The following NSUN7 variants were observed in gnomAD, a reference collection of about 807,000 sequenced individuals.
The protein encoded by NSUN7 is NOP2/Sun RNA methyltransferase family member 7.
A neutral mutation model predicts 58.5 loss-of-function variants in NSUN7; 39 were observed. That is an observed-to-expected ratio of 0.67 (90% CI 0.52 to 0.87). The LOEUF is 0.87. NSUN7 is among the 40% of genes least tolerant of loss of function. The probability of loss-of-function intolerance (pLI) is 0.00; values close to 1 mark genes in which losing one functional copy is unlikely to be tolerated. For synonymous variants in NSUN7, 278 were observed against 303.7 expected (o/e 0.92, Z 0.88); for missense variants, 765 against 844.1 (o/e 0.91, Z 1.16).
intron 2 of NSUN7, among the ~76,000 whole-genome samples, chr4:40,753,506 C>T (rs1056307202): frequency 2.6e-5 from 4 of 152,030 alleles, no homozygotes; most frequent in Non-Finnish European, 2.9e-5. Context: ...CTCCTGACCT[C>T]GTGATCCACC....
Position 40,809,135 on chromosome 4 carries a change from G to A in NSUN7, c.*196G>A. 1.7e-6 allele frequency: 1 copy of A among 581,812 alleles called. No homozygotes were observed. The highest frequency in any genetic ancestry group is 3.0e-5 in the East Asian group (1 of 33,810). 36.0% of individuals were successfully genotyped at this position (581,812 alleles called of 1,614,324 possible). ...GTAGGAGTCAGCAAAGCAGAATTCA[G>A]AGACTTCAGCCAATCACTGCTGCTC... is the stretch of plus-strand genomic sequence containing the variant. On this transcript the variant is annotated 3_prime_UTR_variant, in exon 12 of 12. Coordinates refer to ENST00000381782, the MANE Select transcript of NSUN7 (RefSeq NM_024677.6).
Position 40,794,491 on chromosome 4 carries a change from G to A in NSUN7, c.1282+15G>A, listed in dbSNP as rs1463754180. The stretch of plus-strand genomic sequence containing the variant: ...TGCAATGAAATGTAAGGTTGTCATA[G>A]GCACCATCTTGTTAAAATAAGGTGT... On this transcript the variant is annotated intron_variant, in intron 9 of 11. Transcript: ENST00000381782. 1 of 1,452,046 alleles carries A rather than the reference G, an allele frequency of 6.9e-7. No homozygotes were observed. The highest frequency in any genetic ancestry group is 9.6e-7 in the Non-Finnish European group (1 of 1,036,326). The allele number at this position is 1,452,046 out of a possible 1,614,324, so 89.9% of individuals were successfully genotyped here.
intron 1 of NSUN7, 131 bp downstream of exon 1, chr4:40,750,431 G>A: frequency 2.3e-6 from 1 of 441,434 alleles, no homozygotes; most frequent in Non-Finnish European, 4.1e-6. Context: ...CTCCGCCGCT[G>A]CACCCCTCCT....
At chr4:40,797,605 TTATATCCAGAA>T (rs1459213669) in intron 9 of NSUN7, among the ~76,000 whole-genome samples, 1 of 152,238 alleles carries the variant, frequency 6.6e-6, no homozygotes, top group African/African-American at 2.4e-5. Flanking sequence ...TACATTCAAC[TTATATCCAGAA>T]TATATCCAGC....
At chr4:40,765,255 G>A (rs1741662634) in intron 4 of NSUN7, among the ~76,000 whole-genome samples, 1 of 99,566 alleles carries the variant, frequency 1.0e-5, no homozygotes, top group Admixed American at 1.3e-4. Flanking sequence ...ATTGATTTTT[G>A]TATAAGGTGT....
intron 10 of NSUN7, among the ~76,000 whole-genome samples, chr4:40,803,520 C>T (rs1035790719): frequency 6.6e-6 from 1 of 152,088 alleles, no homozygotes; most frequent in Non-Finnish European, 1.5e-5. Flanking sequence ...TTTTGATTTG[C>T]ATTTCTCTGA....
rs2465575 is a variant in NSUN7 at position 40,802,584 on chromosome 4, C to T, written c.1400+3680C>T. On this transcript the variant is annotated intron_variant, in intron 10 of 11. Transcript: ENST00000381782. ...AATTTTGATATTTTTACTGCTGATA[C>T]AGCCACACCAGCATGTACCAGCTGA... Among the ~76,000 whole-genome samples, 597 of 152,152 alleles carry T rather than the reference C, an allele frequency of 3.9e-3. 3 individuals are homozygous for T. The highest frequency in any genetic ancestry group is 0.014 in the African/African-American group (570 of 41,498).
chr4:40,796,286 G>A (rs1422298947), intron 9 of NSUN7, among the ~76,000 whole-genome samples: 11 of 152,246 alleles, frequency 7.2e-5, no homozygotes, highest in African/African-American at 2.6e-4. Flanking sequence ...ATAGTGAGCT[G>A]AGATTGCACC....
chr4:40,784,349 A>G (rs1742711729), intron 7 of NSUN7, among the ~76,000 whole-genome samples: 1 of 152,246 alleles, frequency 6.6e-6, no homozygotes, highest in Admixed American at 6.5e-5. Flanking sequence ...GTTATTCATA[A>G]TAGCTAAAAA....
rs1743988508 is a variant in NSUN7, at chr4:40,808,604, A to G, written c.1822A>G (p.Lys608Glu). 2 of 1,551,594 alleles carry G rather than the reference A, an allele frequency of 1.3e-6. No homozygotes were observed. Among genetic ancestry groups the G allele is most frequent in the Non-Finnish European group, 1.7e-6 (2 of 1,147,012 alleles). The change falls in exon 12 of 12, where the codon AAG becomes GAG. Residue 608 changes from lysine (K) to glutamate (E), a missense_variant. Transcript: ENST00000381782. Reference protein sequence around the residue: ...GASSQTRKPNKLAPHPAVPAF... With the variant: ...GASSQTRKPNELAPHPAVPAF... The stretch of plus-strand genomic sequence containing the variant: ...TTCCTCACAGACCAGAAAACCCAAC[A>G]AGCTGGCCCCCCATCCTGCAGTGCC...
chr4:40,767,520 G>C (rs989278535), intron 4 of NSUN7, among the ~76,000 whole-genome samples: 3 of 152,146 alleles, frequency 2.0e-5, no homozygotes, highest in South Asian at 4.1e-4. Flanking sequence ...GTCAATTTTG[G>C]AATAGGTGTG....
At chr4:40,766,445 G>A (rs1444110370) in intron 4 of NSUN7, among the ~76,000 whole-genome samples, 1 of 151,800 alleles carries the variant, frequency 6.6e-6, no homozygotes, top group African/African-American at 2.4e-5. Flanking sequence ...CTTGATCATG[G>A]TGGATAAGCT....
In NSUN7 at chr4:40,775,011, C is replaced by A; in HGVS notation, c.825+61C>A. The stretch of plus-strand genomic sequence containing the variant: ...AATCCAACCTAGCCAAAGAACTTCT[C>A]CACTTAAAAATAAAACCTAACACTG... On this transcript the variant is annotated intron_variant, in intron 6 of 11. Coordinates refer to ENST00000381782, the MANE Select transcript of NSUN7 (RefSeq NM_024677.6). This position sits in a 1 kb window ranked among gnomAD's most constrained non-coding sequence, Gnocchi z 4.3. 1.4e-6 allele frequency: 1 copy of A among 719,412 alleles called. No homozygotes were observed. 44.6% of individuals were successfully genotyped at this position (719,412 alleles called of 1,614,324 possible). A position where few individuals can be genotyped will look rare whatever the true frequency, so the allele number is the denominator to read the frequency against.
At position 40,789,680 on chromosome 4, in the gene NSUN7, T is replaced by C. The variant is rs560302664; in HGVS notation, c.1037-922T>C. On this transcript the variant is annotated intron_variant, in intron 7 of 11. Coordinates refer to ENST00000381782, the MANE Select transcript of NSUN7 (RefSeq NM_024677.6). ...AGAATTTATTATATTATTATGCCTATATTGCAGATATTTGAAGTTTCCCAA... is the reference window on the plus strand; with the variant it reads ...AGAATTTATTATATTATTATGCCTACATTGCAGATATTTGAAGTTTCCCAA... Among the ~76,000 whole-genome samples, 5 of 152,284 alleles carry C rather than the reference T, an allele frequency of 3.3e-5. 1 individual carries two copies. The highest frequency in any genetic ancestry group is 1.2e-4 in the African/African-American group (5 of 41,556).
chr4:40,762,807 C>G (rs1741522639), intron 4 of NSUN7: 1 of 151,422 alleles, frequency 6.6e-6, no homozygotes, highest in African/African-American at 2.4e-5. Flanking sequence ...TGATTGTGAA[C>G]TGCACATGGT....
intron 7 of NSUN7, among the ~76,000 whole-genome samples, chr4:40,784,430 G>A (rs189423042): frequency 5.9e-5 from 9 of 152,332 alleles, no homozygotes; most frequent in Admixed American, 5.9e-4. Context: ...CAATGGAAGA[G>A]TATTTGGCCA....
intron 4 of NSUN7, among the ~76,000 whole-genome samples, chr4:40,772,024 T>C (rs951705890): frequency 2.0e-5 from 3 of 152,034 alleles, no homozygotes; most frequent in African/African-American, 7.2e-5. Flanking sequence ...TAAGAACATA[T>C]GGATTTGATC....
intron 9 of NSUN7, among the ~76,000 whole-genome samples, chr4:40,797,287 T>C (rs753622858): frequency 5.3e-5 from 8 of 152,348 alleles, no homozygotes; most frequent in East Asian, 3.9e-4. Context: ...TCTAGTCTTA[T>C]GGTTTTAAAC....
rs1353577012 is a variant in NSUN7, at chr4:40,774,245, G to A, written c.489-20G>A. The A allele has an allele frequency of 6.2e-7, 1 of 1,611,954 alleles. No homozygotes were observed. The highest frequency in any genetic ancestry group is 1.7e-4 in the Middle Eastern group (1 of 6,060). The stretch of plus-strand genomic sequence containing the variant: ...CTTGTCTCAAATGCAATAGATTAAG[G>A]ATGGATTTTCTGTCTCTAGTTTTAA... On this transcript the variant is annotated intron_variant, in intron 4 of 11. Coordinates refer to ENST00000381782, the MANE Select transcript of NSUN7 (RefSeq NM_024677.6).
Sources: allele counts gnomAD v4.1 joint callset (sites outside exome capture counted in the v4.1 genomes callset), GRCh38; gene constraint gnomAD v4.1.1; non-coding constraint Gnocchi (gnomAD v3.1); transcripts MANE v1.5; gene names NCBI Gene and HGNC (gene_info 2026-07-23, HGNC 2026-07-21).